The following DSCAM variants were observed in gnomAD, a reference collection of about 807,000 sequenced individuals.
DSCAM encodes the protein cell adhesion molecule DSCAM.
In DSCAM, 47 loss-of-function variants were observed where a neutral mutation model predicts 217.7. That is an observed-to-expected ratio of 0.22 (90% CI 0.17 to 0.28). The LOEUF (loss-of-function observed/expected upper bound fraction) is 0.28, where lower values mean the gene tolerates loss of function less well. DSCAM is among the 10% of genes least tolerant of loss of function. DSCAM has a pLI of 1.00. For missense variants in DSCAM, 2,080 were observed against 2,618.3 expected, an observed-to-expected ratio of 0.79 and a Z score of 4.49; for synonymous variants, 1,056 against 1,015.3, an observed-to-expected ratio of 1.04 and a Z score of -0.76.
intron 28 of DSCAM, among the ~76,000 whole-genome samples, chr21:40,057,422 A>G (rs1300048808): frequency 6.6e-6 from 1 of 152,204 alleles, no homozygotes; most frequent in African/African-American, 2.4e-5. Flanking sequence ...CATATGGGGA[A>G]CTACTCCTCT....
chr21:40,339,107 T>C lies in DSCAM; in HGVS notation c.1507+12A>G. 1 of 1,613,272 alleles carries C rather than the reference T, an allele frequency of 6.2e-7. No individual in the cohort carries two copies. Among genetic ancestry groups the C allele is most frequent in the Non-Finnish European group, 8.5e-7 (1 of 1,179,448 alleles). ...TATGTGTGTTTTTTTGAGGAGCTGA[T>C]TTGACAAGCACCTCTTACGTTTATT... On this transcript the variant is annotated intron_variant, in intron 7 of 32. Coordinates refer to ENST00000400454, the MANE Select transcript of DSCAM (RefSeq NM_001389.5).
intron 27 of DSCAM, among the ~76,000 whole-genome samples, chr21:40,071,865 C>G (rs559441350): frequency 7.9e-5 from 12 of 152,364 alleles, no homozygotes; most frequent in Admixed American, 6.5e-4. Flanking sequence ...AACTCTGCAG[C>G]TGCAATTTCC....
intron 3 of DSCAM, among the ~76,000 whole-genome samples, chr21:40,596,171 C>T (rs942894307): frequency 9.9e-5 from 15 of 152,206 alleles, no homozygotes; most frequent in African/African-American, 3.6e-4. Context: ...ACACGGCTGA[C>T]TCACTTGTCC....
At chr21:40,067,686 T>C (rs966392057) in intron 27 of DSCAM, among the ~76,000 whole-genome samples, 1 of 150,682 alleles carries the variant, frequency 6.6e-6, no homozygotes, top group Non-Finnish European at 1.5e-5. Flanking sequence ...TTCATAAGCA[T>C]CCTGAGTTTC....
intron 3 of DSCAM, among the ~76,000 whole-genome samples, chr21:40,533,643 GTCCA>G (rs1162436222): frequency 5.3e-4 from 46 of 85,986 alleles, no homozygotes; most frequent in African/African-American, 2.9e-3. Flanking sequence ...CCATCCATCT[GTCCA>G]TCCATCCATC....
In DSCAM at chr21:40,016,868, C is replaced by T. The variant is rs529185955; in HGVS notation, c.5687-3482G>A. Among the ~76,000 whole-genome samples the T allele has an allele frequency of 6.6e-6, 1 of 152,070 alleles. No homozygotes were observed. Among genetic ancestry groups the T allele is most frequent in the Non-Finnish European group, 1.5e-5 (1 of 68,014 alleles). On this transcript the variant is annotated intron_variant, in intron 32 of 32. Coordinates refer to ENST00000400454, the MANE Select transcript of DSCAM (RefSeq NM_001389.5). The surrounding 1 kb of genome is among the most constrained non-coding windows in gnomAD (Gnocchi z 4.3). ...AAGAGAACTGGCCTGTAATCCCCGC[C>T]CACTTTGGGAGGCCTAGGCAATGGA...
intron 3 of DSCAM, among the ~76,000 whole-genome samples, chr21:40,644,620 G>A (rs1364061843): frequency 6.6e-6 from 1 of 152,154 alleles, no homozygotes; most frequent in African/African-American, 2.4e-5. Flanking sequence ...GCACCTAGGG[G>A]TGTTACCAAA....
At chr21:40,770,541 G>T (rs2091435337) in intron 1 of DSCAM, among the ~76,000 whole-genome samples, 1 of 152,216 alleles carries the variant, frequency 6.6e-6, no homozygotes, top group Admixed American at 6.5e-5. Flanking sequence ...CAAAATTGCT[G>T]ATAACGGCCA....
In DSCAM at chr21:40,278,868, T is replaced by A. The variant is rs375454104; in HGVS notation, c.2183-2598A>T. On this transcript the variant is annotated intron_variant, in intron 10 of 32. Transcript: ENST00000400454. The stretch of plus-strand genomic sequence containing the variant: ...GAGGAAATAAGATAGTCTAAAAAAC[T>A]TATTTACAAAAACAAAAACAGGATG... 1.2e-4 allele frequency among the ~76,000 whole-genome samples: 18 copies of A among 152,288 alleles called. No homozygotes were observed. The South Asian group carries it at 2.9e-3, about 25-fold the overall frequency.
intron 1 of DSCAM, among the ~76,000 whole-genome samples, chr21:40,734,007 C>A (rs577861853): frequency 6.6e-6 from 1 of 152,290 alleles, no homozygotes; most frequent in South Asian, 2.1e-4. Flanking sequence ...CATCCGTAAA[C>A]CCCGACATCA....
chr21:40,095,021 A>T (rs1368089963), intron 20 of DSCAM, among the ~76,000 whole-genome samples: 1 of 152,206 alleles, frequency 6.6e-6, no homozygotes, highest in African/African-American at 2.4e-5. Flanking sequence ...ATAAAGACAT[A>T]CCCGAGACTA....
intron 3 of DSCAM, among the ~76,000 whole-genome samples, chr21:40,520,492 T>C (rs998726969): frequency 4.6e-5 from 7 of 152,050 alleles, no homozygotes; most frequent in African/African-American, 1.4e-4. Context: ...ACACAAACAC[T>C]AACGTGAGAA....
At chr21:40,546,850 G>C (rs544790506) in intron 3 of DSCAM, among the ~76,000 whole-genome samples, 1 of 152,008 alleles carries the variant, frequency 6.6e-6, no homozygotes, top group Non-Finnish European at 1.5e-5. Flanking sequence ...GGGAAGTCAC[G>C]TCTTACACTT....
At position 40,124,341 on chromosome 21, in the gene DSCAM, T is replaced by A; in HGVS notation, c.3563-13A>T. 2 of 1,613,382 alleles carry A rather than the reference T, an allele frequency of 1.2e-6. No individual in the cohort carries two copies. Among genetic ancestry groups the A allele is most frequent in the Non-Finnish European group, 1.7e-6 (2 of 1,179,988 alleles). On this transcript the variant is annotated splice_polypyrimidine_tract_variant and intron_variant, in intron 19 of 32. Transcript: ENST00000400454. Reference sequence around the variant, plus strand: ...GGAGGACCTGGAACTGGAAGAGCCGTGTGTTTAGTCACAAGGTGGGGCCTC... The same window carrying A: ...GGAGGACCTGGAACTGGAAGAGCCGAGTGTTTAGTCACAAGGTGGGGCCTC...
chr21:40,782,113 G>A (rs1396019404), intron 1 of DSCAM, among the ~76,000 whole-genome samples: 1 of 151,670 alleles, frequency 6.6e-6, no homozygotes. Context: ...GGAGCTTGCA[G>A]TGAGCCGAGA....
chr21:40,784,807 TTC>T, intron 1 of DSCAM, among the ~76,000 whole-genome samples: 1 of 152,298 alleles, frequency 6.6e-6, no homozygotes, highest in Admixed American at 6.5e-5. Context: ...ATGCCGAACC[TTC>T]TGCTGCTTTA....
intron 3 of DSCAM, among the ~76,000 whole-genome samples, chr21:40,620,481 A>C (rs2089496408): frequency 7.2e-6 from 1 of 139,788 alleles, no homozygotes; most frequent in African/African-American, 2.7e-5. Context: ...GAAAAAGGGA[A>C]GGGAAGGGAG....
At chr21:40,330,497 C>T (rs1371175548) in intron 8 of DSCAM, among the ~76,000 whole-genome samples, 1 of 150,684 alleles carries the variant, frequency 6.6e-6, no homozygotes, top group Non-Finnish European at 1.5e-5. Flanking sequence ...TTTGAGATAT[C>T]GCTTATAAAA....
rs114363612 is a variant in DSCAM at position 40,388,143 on chromosome 21, C to T, written c.509-18898G>A. The stretch of plus-strand genomic sequence containing the variant: ...GAAATTTCCCAGTATTGATAAGAAC[C>T]GACAGTTTGCCAATAGCAGGCTTGC... On this transcript the variant is annotated intron_variant, in intron 3 of 32. Coordinates refer to ENST00000400454, the MANE Select transcript of DSCAM (RefSeq NM_001389.5). 5.5e-3 allele frequency among the ~76,000 whole-genome samples: 429 copies of T among 77,722 alleles called. 1 individual carries two copies. Among genetic ancestry groups the T allele is most frequent in the African/African-American group, 0.032 (421 of 13,260 alleles). 51.0% of individuals were successfully genotyped at this position (77,722 alleles called of 152,430 possible). A position where few individuals can be genotyped will look rare whatever the true frequency, so the allele number is the denominator to read the frequency against.
Sources: gnomAD v4.1 joint callset for allele counts (sites outside exome capture counted in the v4.1 genomes callset) on GRCh38, gnomAD v4.1.1 for gene constraint, Gnocchi (gnomAD v3.1) non-coding constraint, MANE v1.5 for transcripts, NCBI Gene and HGNC (gene_info 2026-07-23, HGNC 2026-07-21) for gene names.